CDH10: variants seen among roughly 807,000 people sequenced by gnomAD.
CDH10 encodes cadherin 10.
In CDH10, 30 loss-of-function variants were observed where a neutral mutation model predicts 73.1. The ratio of observed to expected loss-of-function variants is 0.41; its 90% CI spans 0.31 to 0.56. The LOEUF (loss-of-function observed/expected upper bound fraction) is 0.56. Among genes scored for constraint, CDH10 ranks in the 20% least tolerant of loss-of-function variants. CDH10 has a pLI of 0.27. For missense variants in CDH10, 815 were observed against 973.7 expected, an observed-to-expected ratio of 0.84 and a Z score of 2.17; for synonymous variants, 345 against 348.2, an observed-to-expected ratio of 0.99 and a Z score of 0.10.
chr5:24,549,785 C>T (rs931783726), intron 2 of CDH10, among the ~76,000 whole-genome samples: 1 of 152,102 alleles, frequency 6.6e-6, no homozygotes, highest in African/African-American at 2.4e-5. Flanking sequence ...CTCCTGACCT[C>T]AGGTGAGCTG....
At chr5:24,512,513 G>C (rs1012411729) in intron 5 of CDH10, among the ~76,000 whole-genome samples, 1 of 116,394 alleles carries the variant, frequency 8.6e-6, no homozygotes, top group African/African-American at 3.1e-5. Flanking sequence ...TAATGGGTAG[G>C]AATCCTATTT....
chr5:24,530,694 C>T (rs996366320), intron 5 of CDH10, among the ~76,000 whole-genome samples: 3 of 151,874 alleles, frequency 2.0e-5, no homozygotes, highest in Non-Finnish European at 4.4e-5. Flanking sequence ...GCATTTATTT[C>T]GTATACATTT....
chr5:24,553,543 C>T (rs10942056), intron 2 of CDH10, among the ~76,000 whole-genome samples: 66,010 of 151,968 alleles, frequency 0.43, 14,961 homozygotes, highest in East Asian at 0.58. Context: ...CTGTTATTCT[C>T]CAAGCCCTCT....
chr5:24,611,922 G>C (rs1746963429), intron 1 of CDH10: 1 of 152,158 alleles, frequency 6.6e-6, no homozygotes, highest in Admixed American at 6.5e-5. Flanking sequence ...GAGGACCTCA[G>C]TCCAACGACC....
At chr5:24,557,241 T>C (rs1482362799) in intron 2 of CDH10, among the ~76,000 whole-genome samples, 1 of 151,812 alleles carries the variant, frequency 6.6e-6, no homozygotes, top group African/African-American at 2.4e-5. Flanking sequence ...CTATCACTGA[T>C]ACCTTCCAGA....
chr5:24,504,963 G>GTT, intron 8 of CDH10, 149 bp downstream of exon 8: 2 of 614,538 alleles, frequency 3.3e-6, no homozygotes, highest in Non-Finnish European at 5.5e-6. Context: ...GAAAAAAAGT[G>GTT]TAAGTGCTGA....
intron 2 of CDH10, among the ~76,000 whole-genome samples, chr5:24,562,129 A>G (rs1385471208): frequency 6.6e-6 from 1 of 152,040 alleles, no homozygotes; most frequent in African/African-American, 2.4e-5. Flanking sequence ...TATTGTTAAG[A>G]AAAATGAGAA....
At chr5:24,619,488 C>T (rs554523103) in intron 1 of CDH10, among the ~76,000 whole-genome samples, 4 of 152,090 alleles carry the variant, frequency 2.6e-5, no homozygotes, top group East Asian at 1.9e-4. Context: ...CCACCGTGCC[C>T]GGCCTGATTT....
intron 1 of CDH10, among the ~76,000 whole-genome samples, chr5:24,597,632 T>G (rs1226662923): frequency 1.3e-5 from 2 of 152,090 alleles, no homozygotes; most frequent in Non-Finnish European, 2.9e-5. Context: ...ATATGTTCAT[T>G]TTAAAGCATT....
intron 2 of CDH10, among the ~76,000 whole-genome samples, chr5:24,547,838 C>A (rs941508684): frequency 6.6e-6 from 1 of 152,170 alleles, no homozygotes; most frequent in African/African-American, 2.4e-5. Flanking sequence ...GGTCCCTTGA[C>A]AAATGGCCAT....
At chr5:24,560,019 C>A (rs1259054486) in intron 2 of CDH10, among the ~76,000 whole-genome samples, 2 of 151,992 alleles carry the variant, frequency 1.3e-5, no homozygotes, top group Non-Finnish European at 2.9e-5. Context: ...ATTTTGTCTC[C>A]AAATTTGTGA....
chr5:24,511,284 C>T (rs1488899443), intron 6 of CDH10, 43 bp downstream of exon 6: 10 of 1,231,534 alleles, frequency 8.1e-6, no homozygotes, highest in African/African-American at 1.5e-5. Flanking sequence ...GCAATCCCTA[C>T]TCCTGAAACA....
intron 2 of CDH10, among the ~76,000 whole-genome samples, chr5:24,568,898 T>A (rs964235010): frequency 6.6e-6 from 1 of 151,912 alleles, no homozygotes; most frequent in Non-Finnish European, 1.5e-5. Context: ...GATCACGAGG[T>A]CAGGAGTTCA....
At chr5:24,555,184 C>T in intron 2 of CDH10, among the ~76,000 whole-genome samples, 1 of 152,122 alleles carries the variant, frequency 6.6e-6, no homozygotes, top group East Asian at 1.9e-4. Context: ...GAGTGATGCT[C>T]TATTTACTAA....
At chr5:24,502,066 C>G (rs959311908) in intron 8 of CDH10, among the ~76,000 whole-genome samples, 4 of 150,218 alleles carry the variant, frequency 2.7e-5, no homozygotes, top group African/African-American at 9.7e-5. Context: ...ACTACAGGTG[C>G]CCGCCACTAC....
chr5:24,602,918 G>A (rs1746617813), intron 1 of CDH10, among the ~76,000 whole-genome samples: 1 of 152,084 alleles, frequency 6.6e-6, no homozygotes, highest in African/African-American at 2.4e-5. Context: ...TAGAATACAT[G>A]CTTCCTGAAT....
chr5:24,543,436 T>C (rs1388810196), intron 2 of CDH10, among the ~76,000 whole-genome samples: 1 of 152,196 alleles, frequency 6.6e-6, no homozygotes, highest in East Asian at 1.9e-4. Context: ...AAACAATTTA[T>C]GCTAAGTTTT....
chr5:24,560,102 C>T (rs1382077261), intron 2 of CDH10, among the ~76,000 whole-genome samples: 3 of 152,046 alleles, frequency 2.0e-5, no homozygotes, highest in Non-Finnish European at 4.4e-5. Flanking sequence ...CAGTAATCCA[C>T]GATCCCAGAT....
intron 1 of CDH10, among the ~76,000 whole-genome samples, chr5:24,614,070 T>C (rs1039977494): frequency 2.0e-5 from 3 of 152,074 alleles, no homozygotes; most frequent in African/African-American, 7.2e-5. Flanking sequence ...ATAAAGAACA[T>C]AGTCTGATAA....
Sources: gnomAD v4.1 joint callset for allele counts (sites outside exome capture counted in the v4.1 genomes callset) on GRCh38, gnomAD v4.1.1 for gene constraint, MANE v1.5 for transcripts, NCBI Gene and HGNC (gene_info 2026-07-23, HGNC 2026-07-21) for gene names.